LIPT1: variants seen among roughly 807,000 people sequenced by gnomAD.
LIPT1 encodes lipoyl amidotransferase LIPT1, mitochondrial.
A neutral mutation model predicts 25.1 loss-of-function variants in LIPT1; 22 were observed. That is an observed-to-expected ratio of 0.88 (90% CI 0.63 to 1.25). The LOEUF (loss-of-function observed/expected upper bound fraction) is 1.25, where lower values mean the gene tolerates loss of function less well. Ranked by LOEUF, LIPT1 falls within the 50% of genes most tolerant of loss-of-function variation. The pLI, the probability that LIPT1 is intolerant of heterozygous loss-of-function variation, is 0.00. For missense variants in LIPT1, 399 were observed against 432.8 expected, an observed-to-expected ratio of 0.92 and a Z score of 0.69; for synonymous variants, 131 against 150.8, an observed-to-expected ratio of 0.87 and a Z score of 0.96.
chr2:99,155,648 C>A (rs540743232), intron 1 of LIPT1: 3 of 423,770 alleles, frequency 7.1e-6, no homozygotes, highest in East Asian at 1.4e-4. Context: ...ACCAGAACTT[C>A]AAAGGCTTGA....
chr2:99,162,669 T>C lies in LIPT1; in HGVS notation c.712T>C (p.Tyr238His). The C allele has an allele frequency of 3.1e-6, 5 of 1,614,108 alleles. No homozygotes were observed. Among genetic ancestry groups the C allele is most frequent in the Non-Finnish European group, 4.2e-6 (5 of 1,179,974 alleles). ...MNAVATEYAA[Y>H]HQIDNHIHLI... ...TGCTGTTGCTACAGAGTATGCTGCT[T>C]ATCATCAAATTGATAATCACATTCA... Residue 238 changes from tyrosine to histidine, a missense_variant, in exon 2 of 2, where the codon TAT becomes CAT. Coordinates refer to ENST00000651691, the MANE Select transcript of LIPT1 (RefSeq NM_145199.3).
Position 99,160,714 on chromosome 2 carries a change from C to T in LIPT1, c.-1-1243C>T, listed in dbSNP as rs74360360. On this transcript the variant is annotated intron_variant, in intron 1 of 1. Transcript: ENST00000651691. ...CCTGCATACTCCCAGTTGCCTCTCT[C>T]TCTGACCTCAAGGGTTCATCCTAAG... Among the ~76,000 whole-genome samples the T allele has an allele frequency of 9.7e-3, 1,470 of 152,300 alleles. 15 individuals carry two copies. The highest frequency in any genetic ancestry group is 0.034 in the African/African-American group (1,396 of 41,562).
chr2:99,155,723 C>T (rs1364571243), intron 1 of LIPT1, among the ~76,000 whole-genome samples: 1 of 152,168 alleles, frequency 6.6e-6, no homozygotes, highest in East Asian at 1.9e-4. Flanking sequence ...GTCTGATCCG[C>T]TACTGGAGCA....
Position 99,162,958 on chromosome 2 carries a change from G to T in LIPT1, c.1001G>T (p.Ser334Ile), listed in dbSNP as rs1387426126. The stretch of plus-strand genomic sequence containing the variant: ...AAATTAAATTCAAGTCTTATTGGCA[G>T]TAAGTTTTGCCCAACTGAAACTACC... ...RDKLNSSLIG[S>I]KFCPTETTML... Residue 334 changes from serine to isoleucine, a missense_variant, in exon 2 of 2, where the codon AGT becomes ATT. By Grantham distance (142) the Ser-to-Ile change is moderately radical (BLOSUM62 -2). Transcript: ENST00000651691. 6.2e-6 allele frequency: 10 copies of T among 1,613,914 alleles called. No individual in the cohort carries two copies. In the East Asian group the frequency reaches 2.2e-4, roughly 36 times the overall value.
rs776902574 is a variant in LIPT1 at position 99,162,448 on chromosome 2, G to T, written c.491G>T (p.Gly164Val). 42 of 1,613,844 alleles carry T rather than the reference G, an allele frequency of 2.6e-5. No homozygotes were observed. The highest frequency in any genetic ancestry group is 3.3e-5 in the Non-Finnish European group (39 of 1,180,038). The change falls in exon 2 of 2, where the codon GGA becomes GTA. Residue 164 changes from glycine to valine, a missense_variant. By Grantham distance (109) the Gly-to-Val change is moderately radical. Coordinates refer to ENST00000651691, the MANE Select transcript of LIPT1 (RefSeq NM_145199.3). ...CTTGATGGACAGTTTAAAATCTCAG[G>T]AACAGCTTCTAAGATCGGCCGGACT... ...LLLDGQFKIS[G>V]TASKIGRTTA...
chr2:99,162,665 T>C lies in LIPT1; in HGVS notation c.708T>C (p.Ala236=). The C allele has an allele frequency of 6.2e-7, 1 of 1,614,156 alleles. No individual in the cohort carries two copies. Among genetic ancestry groups the C allele is most frequent in the Non-Finnish European group, 8.5e-7 (1 of 1,179,998 alleles). Residue 236 remains alanine, a synonymous_variant, in exon 2 of 2, where the codon GCT becomes GCC. Coordinates refer to ENST00000651691, the MANE Select transcript of LIPT1 (RefSeq NM_145199.3). Reference sequence around the variant, plus strand: ...TGAATGCTGTTGCTACAGAGTATGCTGCTTATCATCAAATTGATAATCACA... The same window carrying C: ...TGAATGCTGTTGCTACAGAGTATGCCGCTTATCATCAAATTGATAATCACA... ...VLMNAVATEY[A]AYHQIDNHIH...
At chr2:99,156,771 C>G (rs2093758734) in intron 1 of LIPT1, 1 of 152,230 alleles carries the variant, frequency 6.6e-6, no homozygotes, top group Admixed American at 6.5e-5. Context: ...TGGCTCAATA[C>G]ATGAATTGGA....
At chr2:99,155,594 TGA>T in intron 1 of LIPT1, 1 of 453,560 alleles carries the variant, frequency 2.2e-6, no homozygotes, top group Non-Finnish European at 4.4e-6. Flanking sequence ...CATTAAAGGG[TGA>T]GAGTAGAAAG....
At chr2:99,161,536 C>T (rs1160633802) in intron 1 of LIPT1, 3 of 150,924 alleles carry the variant, frequency 2.0e-5, no homozygotes, top group African/African-American at 7.3e-5. Flanking sequence ...CATAATTTGG[C>T]TTTAAGATAT....
chr2:99,162,750 G>A lies in LIPT1; in HGVS notation c.793G>A (p.Glu265Lys), dbSNP rs1231434448. 1.2e-6 allele frequency: 2 copies of A among 1,614,070 alleles called. No homozygotes were observed. The highest frequency in any genetic ancestry group is 3.3e-5 in the Admixed American group (2 of 60,002). ...TCCTGGAATAAATAGCAAAGCCAAA[G>A]AACTGCAAACTTGGGAGTGGATATA... ...LFPGINSKAK[E>K]LQTWEWIYGK... Residue 265 changes from glutamate (E) to lysine (K), a missense_variant, in exon 2 of 2, where the codon GAA becomes AAA. Physicochemically the swap from Glu to Lys is moderately conservative, Grantham distance 56. Transcript: ENST00000651691.
rs529924158 is a variant in LIPT1, at chr2:99,159,033, A to G, written c.-1-2924A>G. ...AAGCTCCGCCTCCCGGGTTCACACC[A>G]CTCTTCTGCCTCAGCCTCCAGAGCT... On this transcript the variant is annotated intron_variant, in intron 1 of 1. Transcript: ENST00000651691. Among the ~76,000 whole-genome samples, 889 of 151,676 alleles carry G rather than the reference A, an allele frequency of 5.9e-3. 10 individuals carry two copies. The highest frequency in any genetic ancestry group is 0.021 in the African/African-American group (852 of 41,280).
At position 99,163,090 on chromosome 2, in the gene LIPT1, ATGTC is replaced by A; in HGVS notation, c.*13_*16del. ...AAGGGAATAATGTGATTCCAAGTAA[ATGTC>A]TTAATACAGTTTCAATTAGAAAATA... On this transcript the variant is annotated 3_prime_UTR_variant, in exon 2 of 2. Transcript: ENST00000651691. 1 of 1,506,778 alleles carries A rather than the reference ATGTC, an allele frequency of 6.6e-7. No homozygotes were observed. The highest frequency in any genetic ancestry group is 8.9e-7 in the Non-Finnish European group (1 of 1,121,442). 93.3% of individuals were successfully genotyped at this position (1,506,778 alleles called of 1,614,324 possible).
intron 1 of LIPT1, among the ~76,000 whole-genome samples, chr2:99,158,098 A>G (rs376712104): frequency 3.3e-5 from 5 of 152,320 alleles, no homozygotes; most frequent in African/African-American, 1.2e-4. Flanking sequence ...ATATTAGATA[A>G]CAAATCTGAG....
chr2:99,162,220 T>C lies in LIPT1; in HGVS notation c.263T>C (p.Leu88Pro). The C allele has an allele frequency of 6.2e-7, 1 of 1,613,988 alleles. No individual in the cohort carries two copies. Among genetic ancestry groups the C allele is most frequent in the Non-Finnish European group, 8.5e-7 (1 of 1,180,014 alleles). The change falls in exon 2 of 2, where the codon CTA (leucine) becomes CCA (proline). Residue 88 changes from leucine (L) to proline (P), a missense_variant. Leu to Pro is a moderately conservative substitution (Grantham distance 98, BLOSUM62 -3). Coordinates refer to ENST00000651691, the MANE Select transcript of LIPT1 (RefSeq NM_145199.3). ...QNPWQECNLNLMREEGIKLAR... is the reference protein window; with the variant it reads ...QNPWQECNLNPMREEGIKLAR... ...CCTTGGCAGGAATGTAACCTGAATCTAATGAGAGAAGAAGGTATAAAACTG... is the reference window on the plus strand; with the variant it reads ...CCTTGGCAGGAATGTAACCTGAATCCAATGAGAGAAGAAGGTATAAAACTG...
intron 1 of LIPT1, among the ~76,000 whole-genome samples, chr2:99,160,072 ACT>A (rs1391491085): frequency 6.6e-6 from 1 of 152,106 alleles, no homozygotes; most frequent in African/African-American, 2.4e-5. Flanking sequence ...AAATATGAAG[ACT>A]CTTTAATCTA....
chr2:99,161,914 CT>C, intron 1 of LIPT1, 42 bp from the exon 2 acceptor site: 1 of 1,463,900 alleles, frequency 6.8e-7, no homozygotes, highest in African/African-American at 1.4e-5. Flanking sequence ...TTTAATGTTC[CT>C]TTTCTCGATG....
intron 1 of LIPT1, among the ~76,000 whole-genome samples, chr2:99,155,839 G>T (rs1263504103): frequency 6.6e-6 from 1 of 152,210 alleles, no homozygotes. Context: ...AGTTAAGGAA[G>T]TGTCTTCCCC....
Position 99,162,420 on chromosome 2 carries a change from T to G in LIPT1, c.463T>G (p.Leu155Val), listed in dbSNP as rs748655183. ...DVQATKRFDL[L>V]LDGQFKISGT... is the part of the protein sequence containing the mutation. ...GCAGGCTACCAAAAGATTTGACCTTTTACTTGATGGACAGTTTAAAATCTC... is the reference window on the plus strand; with the variant it reads ...GCAGGCTACCAAAAGATTTGACCTTGTACTTGATGGACAGTTTAAAATCTC... Residue 155 changes from leucine (L) to valine (V), a missense_variant, in exon 2 of 2, where the codon TTA (leucine) becomes GTA (valine). Leu to Val is a conservative substitution (Grantham distance 32). Transcript: ENST00000651691. The G allele has an allele frequency of 1.4e-5, 23 of 1,613,918 alleles. No individual in the cohort carries two copies. Among genetic ancestry groups the G allele is most frequent in the Non-Finnish European group, 1.9e-5 (22 of 1,180,034 alleles).
intron 1 of LIPT1, chr2:99,155,354 G>A (rs755050068): frequency 1.0e-5 from 4 of 388,184 alleles, no homozygotes; most frequent in Admixed American, 3.2e-5. Flanking sequence ...GCACACGACC[G>A]TAATGAGATT....
Sources: allele counts gnomAD v4.1 joint callset (sites outside exome capture counted in the v4.1 genomes callset), GRCh38; gene constraint gnomAD v4.1.1; transcripts MANE v1.5; gene names NCBI Gene and HGNC (gene_info 2026-07-23, HGNC 2026-07-21).